Variants in DNAJC17 observed in about 807,000 individuals in gnomAD.
The protein encoded by DNAJC17 is DnaJ heat shock protein family (Hsp40) member C17.
DNAJC17 carries 35 observed loss-of-function variants against 48.1 expected under a neutral mutation model. The observed-to-expected ratio is 0.73, with a 90% CI of 0.56 to 0.96. The LOEUF is 0.96. Ranked by LOEUF, DNAJC17 falls within the 50% of genes least tolerant of loss-of-function variation. The pLI, the probability that DNAJC17 is intolerant of heterozygous loss-of-function variation, is 0.00. For missense variants in DNAJC17, 355 were observed against 377.1 expected (o/e 0.94, Z 0.48); for synonymous variants, 117 against 142.7 (o/e 0.82, Z 1.28).
chr15:40,767,165 G>T lies in DNAJC17; in HGVS notation c.*775C>A. 1 of 1,433,104 alleles carries T rather than the reference G, an allele frequency of 7.0e-7. No homozygotes were observed. The highest frequency in any genetic ancestry group is 9.2e-7 in the Non-Finnish European group (1 of 1,088,914). The allele number at this position is 1,433,104 out of a possible 1,614,324, so 88.8% of individuals were successfully genotyped here. A position where few individuals can be genotyped will look rare whatever the true frequency, so the allele number is the denominator to read the frequency against. ...GCCAGGCTGCCTGCTGCAGACACTAGCTTTGTACCAGGAGCTTGCTGTGTG... is the reference window on the plus strand; with the variant it reads ...GCCAGGCTGCCTGCTGCAGACACTATCTTTGTACCAGGAGCTTGCTGTGTG... On this transcript the variant is annotated 3_prime_UTR_variant, in exon 11 of 11. Coordinates refer to ENST00000220496, the MANE Select transcript of DNAJC17 (RefSeq NM_018163.3).
intron 1 of DNAJC17, among the ~76,000 whole-genome samples, chr15:40,802,659 C>A (rs1045435775): frequency 1.3e-5 from 2 of 152,096 alleles, no homozygotes; most frequent in Non-Finnish European, 2.9e-5. Flanking sequence ...GGAGCAGAGG[C>A]CTGAGCTGGA....
Position 40,767,543 on chromosome 15 carries a change from G to C in DNAJC17, c.*397C>G, listed in dbSNP as rs1888978585. On this transcript the variant is annotated 3_prime_UTR_variant, in exon 11 of 11. Transcript: ENST00000220496. ...AAGCAGTGGGAGAGGGCAGTGCCCG[G>C]TGCCCTGGTGCTCCCAGCTGCCCTC... is the stretch of plus-strand genomic sequence containing the variant. 1.5e-6 allele frequency: 1 copy of C among 650,988 alleles called. No homozygotes were observed. Among genetic ancestry groups the C allele is most frequent in the Non-Finnish European group, 2.5e-6 (1 of 407,736 alleles). 40.3% of individuals were successfully genotyped at this position (650,988 alleles called of 1,614,324 possible). A position where few individuals can be genotyped will look rare whatever the true frequency, so the allele number is the denominator to read the frequency against.
At chr15:40,787,313 C>T (rs1889666817) in intron 1 of DNAJC17, among the ~76,000 whole-genome samples, 1 of 152,214 alleles carries the variant, frequency 6.6e-6, no homozygotes, top group African/African-American at 2.4e-5. Flanking sequence ...TCAGCAGGCA[C>T]ACAATAAATA....
At chr15:40,779,403 A>G (rs1220671824) in intron 3 of DNAJC17, 93 bp from the exon 4 acceptor site, 16 of 1,559,986 alleles carry the variant, frequency 1.0e-5, no homozygotes, top group Non-Finnish European at 1.1e-5. Flanking sequence ...ACGAGCCATC[A>G]GAGTGGCAGC....
chr15:40,779,610 A>T lies in DNAJC17; in HGVS notation c.149-7T>A. The T allele has an allele frequency of 6.2e-7, 1 of 1,614,156 alleles. No individual in the cohort carries two copies. Among genetic ancestry groups the T allele is most frequent in the Non-Finnish European group, 8.5e-7 (1 of 1,180,010 alleles). On this transcript the variant is annotated splice_polypyrimidine_tract_variant and splice_region_variant and intron_variant, in intron 2 of 10. Coordinates refer to ENST00000220496, the MANE Select transcript of DNAJC17 (RefSeq NM_018163.3). Reference sequence around the variant, plus strand: ...AGCTGGTGGAAGAGTTCAGCTAAACATAAGGATCAAAAAGACAGAAGAAAA... The same window carrying T: ...AGCTGGTGGAAGAGTTCAGCTAAACTTAAGGATCAAAAAGACAGAAGAAAA...
At position 40,768,075 on chromosome 15, in the gene DNAJC17, G is replaced by A; in HGVS notation, c.793-13C>T. ...ACAGCACTGAGCCCTGTCGGACAGGGCAGGGACAGGGAGGGGTCAGGGACA... is the reference window on the plus strand; with the variant it reads ...ACAGCACTGAGCCCTGTCGGACAGGACAGGGACAGGGAGGGGTCAGGGACA... On this transcript the variant is annotated splice_polypyrimidine_tract_variant and intron_variant, in intron 10 of 10. Coordinates refer to ENST00000220496, the MANE Select transcript of DNAJC17 (RefSeq NM_018163.3). The A allele has an allele frequency of 6.5e-7, 1 of 1,537,040 alleles. No individual in the cohort carries two copies. Among genetic ancestry groups the A allele is most frequent in the Non-Finnish European group, 8.7e-7 (1 of 1,145,508 alleles).
chr15:40,766,008 C>A lies in DNAJC17; in HGVS notation c.*1932G>T. The A allele has an allele frequency of 1.7e-6, 1 of 588,828 alleles. No individual in the cohort carries two copies. The highest frequency in any genetic ancestry group is 2.9e-6 in the Non-Finnish European group (1 of 346,642). 36.5% of individuals were successfully genotyped at this position (588,828 alleles called of 1,614,324 possible). ...TTTATACAACCTCCAAGCCCAGGGA[C>A]AGGGCCCAGCATCAGAGCCCCCTGC... On this transcript the variant is annotated 3_prime_UTR_variant, in exon 11 of 11. Transcript: ENST00000220496.
intron 1 of DNAJC17, among the ~76,000 whole-genome samples, chr15:40,788,482 G>A (rs1889703332): frequency 6.6e-6 from 1 of 152,132 alleles, no homozygotes; most frequent in South Asian, 2.1e-4. Flanking sequence ...GGATCATGAG[G>A]TCAGGAGATC....
chr15:40,773,526 A>C (rs1276633276), intron 10 of DNAJC17, among the ~76,000 whole-genome samples: 3 of 152,192 alleles, frequency 2.0e-5, no homozygotes, highest in Non-Finnish European at 2.9e-5. Context: ...CTAAGAATAC[A>C]GTGTGGGTGG....
chr15:40,772,533 C>T (rs1440518909), intron 10 of DNAJC17: 2 of 160,172 alleles, frequency 1.2e-5, no homozygotes, highest in Admixed American at 1.3e-4. Context: ...TGAGTCAGGC[C>T]CAGGCCAGTT....
Position 40,770,576 on chromosome 15 carries a change from G to A in DNAJC17, c.793-2514C>T, listed in dbSNP as rs551566498. 5.2e-6 allele frequency: 8 copies of A among 1,550,630 alleles called. No individual in the cohort carries two copies. In the South Asian group the frequency reaches 8.3e-5, roughly 16 times the overall value. The stretch of plus-strand genomic sequence containing the variant: ...GCCTGGGGCGGCCACGGCGGCTCCG[G>A]CGACAGAGTAGTGTGCTTAGCCAGG... On this transcript the variant is annotated intron_variant, in intron 10 of 10. Transcript: ENST00000220496. This position sits in a 1 kb window ranked among gnomAD's most constrained non-coding sequence, Gnocchi z 5.0.
intron 1 of DNAJC17, among the ~76,000 whole-genome samples, chr15:40,796,806 G>T (rs1339364290): frequency 6.6e-6 from 1 of 152,206 alleles, no homozygotes; most frequent in Non-Finnish European, 1.5e-5. Context: ...TGTCACCAAG[G>T]CTGGAGTGGA....
At chr15:40,807,111 G>C in intron 1 of DNAJC17, 1 of 812,662 alleles carries the variant, frequency 1.2e-6, no homozygotes, top group Non-Finnish European at 1.9e-6. Flanking sequence ...CTCGCCCCGC[G>C]GCCTCTAGGA....
rs765927892 is a variant in DNAJC17 at position 40,766,163 on chromosome 15, C to T, written c.*1777G>A. On this transcript the variant is annotated 3_prime_UTR_variant, in exon 11 of 11. Coordinates refer to ENST00000220496, the MANE Select transcript of DNAJC17 (RefSeq NM_018163.3). ...TTACTGGAACCGCAGAAACAGAGTC[C>T]GTTCCCTGGGTCTAGGACTCCACTA... The T allele has an allele frequency of 1.2e-5, 4 of 346,148 alleles. No homozygotes were observed. Among genetic ancestry groups the T allele is most frequent in the Non-Finnish European group, 2.1e-5 (4 of 189,108 alleles). 21.4% of individuals were successfully genotyped at this position (346,148 alleles called of 1,614,324 possible). A position where few individuals can be genotyped will look rare whatever the true frequency, so the allele number is the denominator to read the frequency against.
chr15:40,768,929 A>T (rs1030039709), intron 10 of DNAJC17, among the ~76,000 whole-genome samples: 106 of 152,366 alleles, frequency 7.0e-4, no homozygotes, highest in Admixed American at 5.2e-3. Flanking sequence ...GCCTGCCCGT[A>T]GCAGAGAGCT....
chr15:40,777,283 T>G (rs909166958), intron 4 of DNAJC17, among the ~76,000 whole-genome samples: 6 of 130,918 alleles, frequency 4.6e-5, no homozygotes, highest in Non-Finnish European at 9.3e-5. Context: ...CTCTCTCTCT[T>G]TTTTTTTTTT....
chr15:40,798,324 T>G (rs1889990824), intron 1 of DNAJC17, among the ~76,000 whole-genome samples: 1 of 151,458 alleles, frequency 6.6e-6, no homozygotes, highest in Non-Finnish European at 1.5e-5. Context: ...AGTAGAAGAG[T>G]GGTTCACAGG....
rs1889053959 is a variant in DNAJC17 at position 40,769,372 on chromosome 15, G to C, written c.793-1310C>G. ...CCGCTCTCCTGGCAGGAGCCCTCTA[G>C]GGTAAAACAAGGGAGGACAAGGAAA... is the stretch of plus-strand genomic sequence containing the variant. On this transcript the variant is annotated intron_variant, in intron 10 of 10. Transcript: ENST00000220496. The surrounding 1 kb of genome is among the most constrained non-coding windows in gnomAD (Gnocchi z 4.2). Among the ~76,000 whole-genome samples, 1 of 152,220 alleles carries C rather than the reference G, an allele frequency of 6.6e-6. No individual in the cohort carries two copies.
At position 40,765,597 on chromosome 15, in the gene DNAJC17, G is replaced by C. The variant is rs6492966; in HGVS notation, c.*2343C>G. 6,519 of 347,922 alleles carry C rather than the reference G, an allele frequency of 0.019. 382 individuals are homozygous for C. Among genetic ancestry groups the C allele is most frequent in the African/African-American group, 0.13 (6,029 of 47,524 alleles). 21.6% of individuals were successfully genotyped at this position (347,922 alleles called of 1,614,324 possible). A position where few individuals can be genotyped will look rare whatever the true frequency, so the allele number is the denominator to read the frequency against. On this transcript the variant is annotated 3_prime_UTR_variant, in exon 11 of 11. Transcript: ENST00000220496. ...ACTATAGGCTCGTGATACTTTGCCT[G>C]GCTAAAGCTGAGCTTTAAGGCACTA...
Sources: allele counts gnomAD v4.1 joint callset (sites outside exome capture counted in the v4.1 genomes callset), GRCh38; gene constraint gnomAD v4.1.1; non-coding constraint Gnocchi (gnomAD v3.1); transcripts MANE v1.5; gene names NCBI Gene and HGNC (gene_info 2026-07-23, HGNC 2026-07-21).